Variants in CDH20 observed in about 807,000 individuals in gnomAD.
The protein encoded by CDH20 is cadherin 20, also known as cadherin-20.
Under a neutral mutation model 74.2 loss-of-function variants are expected in CDH20, and 29 were observed. The ratio of observed to expected loss-of-function variants is 0.39; its 90% CI spans 0.29 to 0.53. The LOEUF (loss-of-function observed/expected upper bound fraction) is 0.53. Ranked by LOEUF, CDH20 falls within the 20% of genes least tolerant of loss-of-function variation. The pLI is 0.69. For missense variants in CDH20, 988 were observed against 1,048.3 expected (o/e 0.94, Z 0.79); for synonymous variants, 469 against 405.4 (o/e 1.16, Z -1.88).
intron 11 of CDH20, among the ~76,000 whole-genome samples, 178 bp downstream of exon 11, chr18:61,550,407 G>A (rs933958129): frequency 1.3e-5 from 2 of 152,214 alleles, no homozygotes; most frequent in Non-Finnish European, 2.9e-5. Context: ...TCCCTTCTTC[G>A]AGGTGTCTGT....
chr18:61,431,516 A>T (rs1052912374), intron 1 of CDH20, among the ~76,000 whole-genome samples: 37 of 152,214 alleles, frequency 2.4e-4, no homozygotes, highest in African/African-American at 8.7e-4. Context: ...CTAATGTACC[A>T]TAGAAATGTA....
chr18:61,483,369 G>A (rs190558139), intron 1 of CDH20, among the ~76,000 whole-genome samples: 4 of 152,200 alleles, frequency 2.6e-5, no homozygotes, highest in Admixed American at 6.5e-5. Context: ...GAGAGGCTCC[G>A]GTGAAAGGTG....
Position 61,490,705 on chromosome 18 carries a change from C to T in CDH20, c.152C>T (p.Pro51Leu), listed in dbSNP as rs1910929456. ...TTAGAAGCACTCCTGTCAGACAAGCCACAGTCACATCAGCGGACCAAGAGG... is the reference window on the plus strand; with the variant it reads ...TTAGAAGCACTCCTGTCAGACAAGCTACAGTCACATCAGCGGACCAAGAGG... ...GELEALLSDK[P>L]QSHQRTKRSW... Residue 51 changes from proline (P) to leucine (L), a missense_variant, in exon 2 of 12, where the codon CCA becomes CTA. Pro to Leu is a moderately conservative substitution (Grantham distance 98). This residue lies in a region of CDH20 where 613 missense variants were observed against 755.2 expected (regional missense o/e 0.81). Transcript: ENST00000262717. The T allele has an allele frequency of 6.2e-7, 1 of 1,614,052 alleles. No individual in the cohort carries two copies. The highest frequency in any genetic ancestry group is 1.7e-5 in the Admixed American group (1 of 60,008).
intron 6 of CDH20, among the ~76,000 whole-genome samples, chr18:61,512,753 G>A (rs1045812747): frequency 4.7e-5 from 7 of 147,634 alleles, no homozygotes; most frequent in East Asian, 2.0e-4. Flanking sequence ...CCTTCATTTC[G>A]TTATGTACCC....
At chr18:61,536,757 T>A (rs1172333769) in intron 8 of CDH20, 128 bp downstream of exon 8, 1 of 795,492 alleles carries the variant, frequency 1.3e-6, no homozygotes, top group African/African-American at 1.7e-5. Flanking sequence ...TCATGCTTTA[T>A]GCAAGTAAGT....
chr18:61,390,755 T>A (rs1312266735), intron 1 of CDH20, among the ~76,000 whole-genome samples: 1 of 151,274 alleles, frequency 6.6e-6, no homozygotes, highest in Non-Finnish European at 1.5e-5. Flanking sequence ...GACAGTTGCC[T>A]AGGTTAGGGA....
At chr18:61,461,838 C>T (rs1428651271) in intron 1 of CDH20, among the ~76,000 whole-genome samples, 3 of 152,098 alleles carry the variant, frequency 2.0e-5, no homozygotes, top group Non-Finnish European at 2.9e-5. Context: ...GAAGTAGTGG[C>T]CCTCAATCAG....
intron 1 of CDH20, among the ~76,000 whole-genome samples, chr18:61,422,246 G>A (rs986521109): frequency 6.6e-6 from 1 of 151,978 alleles, no homozygotes. Context: ...TGAGCTTATC[G>A]AATACAGCTG....
intron 6 of CDH20, among the ~76,000 whole-genome samples, chr18:61,522,903 C>G (rs746863347): frequency 2.0e-5 from 3 of 152,156 alleles, no homozygotes; most frequent in Non-Finnish European, 2.9e-5. Context: ...ATGCCTTATA[C>G]AAACATTAAC....
At chr18:61,460,983 T>C (rs1343627960) in intron 1 of CDH20, among the ~76,000 whole-genome samples, 4 of 152,198 alleles carry the variant, frequency 2.6e-5, no homozygotes, top group Non-Finnish European at 4.4e-5. Context: ...TAAAGAATTA[T>C]ATGACATTGT....
At chr18:61,523,226 AAAC>A (rs1347607769) in intron 6 of CDH20, among the ~76,000 whole-genome samples, 19 of 122,532 alleles carry the variant, frequency 1.6e-4, no homozygotes, top group Non-Finnish European at 2.8e-4. Context: ...AGAAAAAAAA[AAAC>A]AAACAACCAC....
At chr18:61,478,223 T>A (rs1187321635) in intron 1 of CDH20, among the ~76,000 whole-genome samples, 1 of 151,972 alleles carries the variant, frequency 6.6e-6, no homozygotes, top group Non-Finnish European at 1.5e-5. Context: ...AGTAAAATGT[T>A]TTTCATATAT....
chr18:61,416,270 G>A (rs1195447330), intron 1 of CDH20, among the ~76,000 whole-genome samples: 2 of 152,118 alleles, frequency 1.3e-5, no homozygotes, highest in Admixed American at 1.3e-4. Flanking sequence ...CAGATCCAAT[G>A]GGCCTTAATG....
intron 6 of CDH20, among the ~76,000 whole-genome samples, chr18:61,525,667 C>T (rs1912371499): frequency 6.6e-6 from 1 of 151,748 alleles, no homozygotes; most frequent in South Asian, 2.1e-4. Flanking sequence ...ATGTCTGCTA[C>T]TAAGTAAATG....
At chr18:61,519,883 C>T (rs1249232875) in intron 6 of CDH20, among the ~76,000 whole-genome samples, 2 of 146,112 alleles carry the variant, frequency 1.4e-5, no homozygotes, top group Non-Finnish European at 3.0e-5. Context: ...ACACATCTAA[C>T]ATGCAAAGAC....
chr18:61,474,425 T>C (rs1242730315), intron 1 of CDH20, among the ~76,000 whole-genome samples: 1 of 152,220 alleles, frequency 6.6e-6, no homozygotes, highest in East Asian at 1.9e-4. Context: ...TAGGGCTCCA[T>C]GGATTTCTTT....
At chr18:61,535,998 A>T (rs1241202076) in intron 7 of CDH20, among the ~76,000 whole-genome samples, 1 of 152,178 alleles carries the variant, frequency 6.6e-6, no homozygotes, top group Non-Finnish European at 1.5e-5. Context: ...GGTCATTAGC[A>T]TGTTAAGAAA....
chr18:61,443,457 G>A (rs892646190), intron 1 of CDH20, among the ~76,000 whole-genome samples: 23 of 152,198 alleles, frequency 1.5e-4, no homozygotes, highest in Admixed American at 8.5e-4. Flanking sequence ...TGTTGACAAC[G>A]GTATGCAGGC....
chr18:61,420,626 C>T (rs1912842329), intron 1 of CDH20, among the ~76,000 whole-genome samples: 1 of 152,072 alleles, frequency 6.6e-6, no homozygotes, highest in African/African-American at 2.4e-5. Flanking sequence ...AGGTGCTGTG[C>T]CTGGGGCTGG....
Sources: gnomAD v4.1 joint callset for allele counts (sites outside exome capture counted in the v4.1 genomes callset) on GRCh38, gnomAD v4.1.1 for gene constraint, gnomAD v4.1.1 regional missense constraint, MANE v1.5 for transcripts, NCBI Gene and HGNC (gene_info 2026-07-23, HGNC 2026-07-21) for gene names.